SNTA1: variants seen among roughly 807,000 people sequenced by gnomAD.
The protein encoded by SNTA1 is syntrophin alpha 1.
SNTA1 carries 31 observed loss-of-function variants against 47.1 expected under a neutral mutation model. The ratio of observed to expected loss-of-function variants is 0.66; its 90% CI spans 0.49 to 0.89. The LOEUF is 0.89. Among genes scored for constraint, SNTA1 ranks in the 40% least tolerant of loss-of-function variants. The pLI, the probability that SNTA1 is intolerant of heterozygous loss-of-function variation, is 0.00. For synonymous variants in SNTA1, 300 were observed against 313.6 expected, an observed-to-expected ratio of 0.96 and a Z score of 0.46; for missense variants, 575 against 693.0, an observed-to-expected ratio of 0.83 and a Z score of 1.91.
At chr20:33,409,803 G>A (rs1039827456) in intron 6 of SNTA1, among the ~76,000 whole-genome samples, 1 of 152,078 alleles carries the variant, frequency 6.6e-6, no homozygotes, top group Non-Finnish European at 1.5e-5. Flanking sequence ...GCTAATTTTT[G>A]TATTTTTAGT....
At chr20:33,427,278 T>A (rs1190759408) in intron 2 of SNTA1, among the ~76,000 whole-genome samples, 1 of 151,984 alleles carries the variant, frequency 6.6e-6, no homozygotes, top group Non-Finnish European at 1.5e-5. Context: ...CCCCGTAATA[T>A]CACTTGCATG....
At chr20:33,414,633 A>C (rs772346150) in intron 3 of SNTA1, among the ~76,000 whole-genome samples, 3 of 152,122 alleles carry the variant, frequency 2.0e-5, no homozygotes, top group Non-Finnish European at 4.4e-5. Context: ...TAAACCACTA[A>C]ATTTTAGGGT....
rs930505019 is a variant in SNTA1, at chr20:33,443,335, C to T, written c.286G>A (p.Gly96Ser). ...RRVTVRKADA[G>S]GLGISIKGGR... ...CCTTTGATGCTGATGCCCAGCCCAC[C>T]GGCGTCGGCCTTGCGCACCGTCACG... Residue 96 changes from glycine to serine, a missense_variant, in exon 1 of 8, where the codon GGT (glycine) becomes AGT (serine). By Grantham distance (56) the Gly-to-Ser change is moderately conservative. Transcript: ENST00000217381. 2.7e-6 allele frequency: 4 copies of T among 1,497,764 alleles called. No homozygotes were observed. The highest frequency in any genetic ancestry group is 1.2e-5 in the South Asian group (1 of 80,416). The allele number at this position is 1,497,764 out of a possible 1,614,324, so 92.8% of individuals were successfully genotyped here.
At chr20:33,443,211 G>A (rs1397345602) in intron 1 of SNTA1, 100 bp downstream of exon 1, 5 of 915,266 alleles carry the variant, frequency 5.5e-6, no homozygotes, top group Non-Finnish European at 6.2e-6. Flanking sequence ...CCCCCAGACA[G>A]GAAGCCTCCA....
chr20:33,418,176 C>T (rs1989926392), intron 2 of SNTA1, among the ~76,000 whole-genome samples: 3 of 151,956 alleles, frequency 2.0e-5, no homozygotes, highest in Admixed American at 2.0e-4. Context: ...TCTCATTTTC[C>T]CCATGGTTAA....
At chr20:33,428,439 A>G (rs1272563568) in intron 2 of SNTA1, among the ~76,000 whole-genome samples, 2 of 152,128 alleles carry the variant, frequency 1.3e-5, no homozygotes, top group African/African-American at 2.4e-5. Flanking sequence ...AATATTAAAA[A>G]GATAAAAAAG....
At chr20:33,431,993 T>G (rs540998612) in intron 2 of SNTA1, among the ~76,000 whole-genome samples, 15 of 152,274 alleles carry the variant, frequency 9.9e-5, no homozygotes, top group African/African-American at 3.6e-4. Flanking sequence ...CCAAGTTTTG[T>G]TTGTGGGGAG....
intron 2 of SNTA1, among the ~76,000 whole-genome samples, chr20:33,428,865 A>AC (rs1478165721): frequency 1.3e-5 from 2 of 151,714 alleles, no homozygotes; most frequent in Admixed American, 1.3e-4. Flanking sequence ...AGATGGTGAA[A>AC]CCCCATCCCT....
At chr20:33,412,477 G>A in intron 4 of SNTA1, 51 bp from the exon 5 acceptor site, 6 of 1,607,568 alleles carry the variant, frequency 3.7e-6, no homozygotes, top group Non-Finnish European at 5.1e-6. Context: ...AGAGGGCAGA[G>A]GGCCAGGGCA....
At chr20:33,421,456 C>T (rs1990019445) in intron 2 of SNTA1, among the ~76,000 whole-genome samples, 1 of 151,014 alleles carries the variant, frequency 6.6e-6, no homozygotes, top group Non-Finnish European at 1.5e-5. Context: ...ACTAAAAATA[C>T]AAAAATTAGC....
chr20:33,423,725 T>C (rs964049118), intron 2 of SNTA1, among the ~76,000 whole-genome samples: 7 of 152,206 alleles, frequency 4.6e-5, no homozygotes, highest in Admixed American at 1.3e-4. Context: ...GGGTCACATA[T>C]GCGTTGCTGA....
At chr20:33,442,658 G>A (rs145714850) in intron 1 of SNTA1, among the ~76,000 whole-genome samples, 2 of 152,220 alleles carry the variant, frequency 1.3e-5, no homozygotes, top group African/African-American at 4.8e-5. Flanking sequence ...TTCAAACACA[G>A]TCTGGTTGCA....
chr20:33,408,714 G>A lies in SNTA1; in HGVS notation c.1412C>T (p.Ala471Val). Residue 471 changes from alanine to valine, a missense_variant, in exon 7 of 8, where the codon GCT (alanine) becomes GTT (valine). By Grantham distance (64) the Ala-to-Val change is moderately conservative. Coordinates refer to ENST00000217381, the MANE Select transcript of SNTA1 (RefSeq NM_003098.3). ...CCCCTCACTCACGATCTCGCCTTCA[G>A]CACCTCCAAAATCCAGGAAAAGGAG... Reference protein sequence around the residue: ...ASLLFLDFGGAEGEIQLDLHS... With the variant: ...ASLLFLDFGGVEGEIQLDLHS... The A allele has an allele frequency of 1.9e-6, 3 of 1,614,050 alleles. No individual in the cohort carries two copies. The highest frequency in any genetic ancestry group is 2.5e-6 in the Non-Finnish European group (3 of 1,179,976).
At chr20:33,408,943 C>A in intron 6 of SNTA1, 55 bp from the exon 7 acceptor site, 1 of 1,477,498 alleles carries the variant, frequency 6.8e-7, no homozygotes, top group Non-Finnish European at 9.5e-7. Flanking sequence ...GACTACACCC[C>A]AACCTCCAAC....
chr20:33,436,892 G>A (rs1479383676), intron 2 of SNTA1, among the ~76,000 whole-genome samples: 1 of 150,128 alleles, frequency 6.7e-6, no homozygotes, highest in African/African-American at 2.5e-5. Flanking sequence ...CTTGAACCTG[G>A]AAGGCGGAGG....
At position 33,408,569 on chromosome 20, in the gene SNTA1, T is replaced by C. The variant is rs1470898136; in HGVS notation, c.1456A>G (p.Ile486Val). The stretch of plus-strand genomic sequence containing the variant: ...AGGAAGGAGTGGATGATGAAGACTA[T>C]GGTTTTGGGACACGAGTGCAGGTCC... ...QLDLHSCPKT[I>V]VFIIHSFLSA... Residue 486 changes from isoleucine to valine, a missense_variant, in exon 8 of 8, where the codon ATA becomes GTA. Transcript: ENST00000217381. The C allele has an allele frequency of 6.2e-7, 1 of 1,613,986 alleles. No homozygotes were observed. The highest frequency in any genetic ancestry group is 1.3e-5 in the African/African-American group (1 of 74,882).
chr20:33,417,311 T>A (rs1044851695), intron 3 of SNTA1, among the ~76,000 whole-genome samples: 2 of 152,096 alleles, frequency 1.3e-5, no homozygotes, highest in African/African-American at 4.8e-5. Flanking sequence ...GTGAAGGATG[T>A]AACCTTCCAT....
chr20:33,413,780 T>A (rs158673), intron 3 of SNTA1, among the ~76,000 whole-genome samples: 26,598 of 147,592 alleles, frequency 0.18, 2,867 homozygotes, highest in East Asian at 0.44. Context: ...GAAAAAAAAA[T>A]TTTTTTTTTA....
rs905993211 is a variant in SNTA1 at position 33,443,446 on chromosome 20, G to A, written c.175C>T (p.Gln59Ter). 2.9e-6 allele frequency: 4 copies of A among 1,361,116 alleles called. No individual in the cohort carries two copies. The allele number at this position is 1,361,116 out of a possible 1,614,324, so 84.3% of individuals were successfully genotyped here. The change falls in exon 1 of 8, where the codon CAG becomes TAG. Residue 59 changes from glutamine (Q) to a stop codon, truncating the protein, a stop_gained. Coordinates refer to ENST00000217381, the MANE Select transcript of SNTA1 (RefSeq NM_003098.3). LOFTEE classifies it high-confidence loss of function. ...GCGCCGTTGAGCTGCGCGGGCTCCT[G>A]CTCCCGCGGAGCGCCGGGCTCGGGA... ...PGPEPGAPRE[Q>*]EPAQLNGAAE...
Sources: allele counts gnomAD v4.1 joint callset (sites outside exome capture counted in the v4.1 genomes callset), GRCh38; gene constraint gnomAD v4.1.1; transcripts MANE v1.5; gene names NCBI Gene and HGNC (gene_info 2026-07-23, HGNC 2026-07-21).